DGKI: variants seen among roughly 807,000 people sequenced by gnomAD.
DGKI encodes diacylglycerol kinase iota, also known as DAG kinase iota.
A neutral mutation model predicts 147.5 loss-of-function variants in DGKI; 55 were observed. The observed-to-expected ratio is 0.37, with a 90% CI of 0.30 to 0.47. The LOEUF is 0.47. Ranked by LOEUF, DGKI falls within the 20% of genes least tolerant of loss-of-function variation. The probability of loss-of-function intolerance (pLI) is 1.00; values close to 1 mark genes in which losing one functional copy is unlikely to be tolerated. For synonymous variants in DGKI, 469 were observed against 477.1 expected (o/e 0.98, Z 0.22); for missense variants, 1,007 against 1,323.8 (o/e 0.76, Z 3.71).
At chr7:137,522,437 G>A (rs1271316372) in intron 20 of DGKI, among the ~76,000 whole-genome samples, 1 of 151,400 alleles carries the variant, frequency 6.6e-6, no homozygotes, top group Admixed American at 6.6e-5. Context: ...GAAGCCACAG[G>A]GTTGAGACCG....
chr7:137,627,273 T>A (rs1820975744), intron 6 of DGKI, among the ~76,000 whole-genome samples: 1 of 152,200 alleles, frequency 6.6e-6, no homozygotes, highest in South Asian at 2.1e-4. Context: ...ACCCTTGCCA[T>A]TATAAATAGC....
intron 12 of DGKI, 69 bp downstream of exon 12, chr7:137,597,775 AAAG>A: frequency 7.0e-7 from 1 of 1,433,750 alleles, no homozygotes; most frequent in African/African-American, 1.4e-5. Flanking sequence ...CAACGAATAA[AAAG>A]AAGTGCCACA....
chr7:137,665,999 A>G (rs1822626704), intron 3 of DGKI, among the ~76,000 whole-genome samples: 1 of 152,224 alleles, frequency 6.6e-6, no homozygotes, highest in South Asian at 2.1e-4. Context: ...GCTAACGTTC[A>G]TGACTGGTTA....
In DGKI at chr7:137,711,926, T is replaced by G. The variant is rs377034585; in HGVS notation, c.402-21924A>C. On this transcript the variant is annotated intron_variant, in intron 1 of 32. Transcript: ENST00000614521. Reference sequence around the variant, plus strand: ...CCAGGATGGTCTCAATCTCTTGATCTCGTGATCCGCCCACCTCTGCCTCCC... The same window carrying G: ...CCAGGATGGTCTCAATCTCTTGATCGCGTGATCCGCCCACCTCTGCCTCCC... 2.1e-4 allele frequency among the ~76,000 whole-genome samples: 32 copies of G among 151,978 alleles called. 1 individual carries two copies. Among genetic ancestry groups the G allele is most frequent in the African/African-American group, 7.7e-4 (32 of 41,436 alleles).
chr7:137,417,093 AC>A (rs1812388936), intron 28 of DGKI, among the ~76,000 whole-genome samples: 1 of 152,186 alleles, frequency 6.6e-6, no homozygotes, highest in African/African-American at 2.4e-5. Flanking sequence ...GAGCTTAAAA[AC>A]AAATAATGAG....
At chr7:137,715,493 T>C (rs556015763) in intron 1 of DGKI, among the ~76,000 whole-genome samples, 1 of 152,292 alleles carries the variant, frequency 6.6e-6, no homozygotes, top group South Asian at 2.1e-4. Flanking sequence ...CCCTCCTATT[T>C]TGAAAGTCTC....
chr7:137,395,466 T>C, intron 32 of DGKI, 132 bp downstream of exon 32: 1 of 723,512 alleles, frequency 1.4e-6, no homozygotes, highest in South Asian at 1.8e-5. Context: ...CTCTATTTTT[T>C]CCTCCTTTTT....
rs184442613 is a variant in DGKI, at chr7:137,525,058, A to G, written c.2148-3092T>C. 1.6e-4 allele frequency among the ~76,000 whole-genome samples: 24 copies of G among 152,122 alleles called. No homozygotes were observed. The East Asian group carries it at 1.9e-3, about 12-fold the overall frequency. ...ACTGTTGTCTCCTGAACCTCTGGCC[A>G]CCCACTACTCCACCCTAACTTCCAG... On this transcript the variant is annotated intron_variant, in intron 20 of 32. Coordinates refer to ENST00000614521, the MANE Select transcript of DGKI (RefSeq NM_001321708.2).
chr7:137,641,465 A>T, intron 6 of DGKI, among the ~76,000 whole-genome samples: 1 of 152,206 alleles, frequency 6.6e-6, no homozygotes, highest in East Asian at 1.9e-4. Context: ...GGAAAATTTC[A>T]CACCTGACCT....
At chr7:137,766,255 T>G (rs1265049544) in intron 1 of DGKI, among the ~76,000 whole-genome samples, 1 of 152,122 alleles carries the variant, frequency 6.6e-6, no homozygotes, top group African/African-American at 2.4e-5. Context: ...TGAAGCAAAC[T>G]CTAAGAAACA....
chr7:137,642,859 A>G (rs1164362603), intron 6 of DGKI, among the ~76,000 whole-genome samples: 1 of 148,044 alleles, frequency 6.8e-6, no homozygotes. Context: ...ATCAGTTGGA[A>G]AAAAAAAAAA....
At chr7:137,794,398 CT>C (rs1298634609) in intron 1 of DGKI, among the ~76,000 whole-genome samples, 3 of 152,316 alleles carry the variant, frequency 2.0e-5, no homozygotes, top group African/African-American at 7.2e-5. Flanking sequence ...GCAGATACTT[CT>C]GAAATTTAAG....
At chr7:137,774,478 T>C (rs1052719369) in intron 1 of DGKI, 9 of 152,214 alleles carry the variant, frequency 5.9e-5, no homozygotes, top group African/African-American at 1.4e-4. Context: ...TTTACGTGAA[T>C]GAGGATAATA....
intron 27 of DGKI, among the ~76,000 whole-genome samples, chr7:137,461,035 G>C (rs1327226590): frequency 6.6e-6 from 1 of 152,118 alleles, no homozygotes; most frequent in Admixed American, 6.5e-5. Context: ...TTACTTCTGG[G>C]TAAGTTTGCA....
At chr7:137,568,545 G>A (rs1039525140) in intron 19 of DGKI, among the ~76,000 whole-genome samples, 2 of 152,118 alleles carry the variant, frequency 1.3e-5, no homozygotes, top group Non-Finnish European at 2.9e-5. Context: ...TCTCCAGATA[G>A]ACCCACCAGC....
At chr7:137,551,855 G>C (rs918237010) in intron 20 of DGKI, among the ~76,000 whole-genome samples, 5 of 152,128 alleles carry the variant, frequency 3.3e-5, no homozygotes, top group Admixed American at 2.0e-4. Flanking sequence ...AGAGTATGGA[G>C]GACCCCAAAA....
chr7:137,778,152 C>T (rs991069544), intron 1 of DGKI, among the ~76,000 whole-genome samples: 4 of 152,156 alleles, frequency 2.6e-5, no homozygotes, highest in Non-Finnish European at 5.9e-5. Context: ...CTTTCAATAA[C>T]GCCCAGAAGT....
chr7:137,810,705 A>G (rs754642990), intron 1 of DGKI, among the ~76,000 whole-genome samples: 6 of 152,186 alleles, frequency 3.9e-5, no homozygotes, highest in Non-Finnish European at 8.8e-5. Context: ...ACAATTAAGA[A>G]GATGTAACTG....
chr7:137,816,369 C>A (rs1414636521), intron 1 of DGKI, among the ~76,000 whole-genome samples: 1 of 152,194 alleles, frequency 6.6e-6, no homozygotes, highest in Non-Finnish European at 1.5e-5. Context: ...CAGATACCTA[C>A]CCCCTGAGGT....
Sources: gnomAD v4.1 joint callset for allele counts (sites outside exome capture counted in the v4.1 genomes callset) on GRCh38, gnomAD v4.1.1 for gene constraint, MANE v1.5 for transcripts, NCBI Gene and HGNC (gene_info 2026-07-23, HGNC 2026-07-21) for gene names.